CDYL2: variants seen among roughly 807,000 people sequenced by gnomAD.
The protein encoded by CDYL2 is chromodomain Y-like protein 2.
A neutral mutation model predicts 49.4 loss-of-function variants in CDYL2; 23 were observed. That is an observed-to-expected ratio of 0.47 (90% CI 0.34 to 0.66). The LOEUF (loss-of-function observed/expected upper bound fraction) is 0.66, where lower values mean the gene tolerates loss of function less well. Among genes scored for constraint, CDYL2 ranks in the 30% least tolerant of loss-of-function variants. The pLI, the probability that CDYL2 is intolerant of heterozygous loss-of-function variation, is 0.01. For missense variants in CDYL2, 678 were observed against 656.4 expected (o/e 1.03, Z -0.36); for synonymous variants, 360 against 268.8 (o/e 1.34, Z -3.32).
intron 1 of CDYL2, among the ~76,000 whole-genome samples, chr16:80,687,491 T>C (rs938024555): frequency 1.3e-5 from 2 of 151,584 alleles, no homozygotes; most frequent in African/African-American, 4.9e-5. Context: ...GCTGGATAGA[T>C]GGATAGATGG....
chr16:80,679,137 A>C (rs1052356780), intron 2 of CDYL2, among the ~76,000 whole-genome samples: 8 of 148,934 alleles, frequency 5.4e-5, no homozygotes, highest in African/African-American at 1.7e-4. Flanking sequence ...GGGGAGGGAT[A>C]GCATTGGGAG....
intron 1 of CDYL2, among the ~76,000 whole-genome samples, chr16:80,700,605 G>A (rs182852005): frequency 4.6e-5 from 7 of 152,306 alleles, no homozygotes; most frequent in Non-Finnish European, 4.4e-5. Flanking sequence ...AATTAAAACA[G>A]TGAGAAAGAT....
At chr16:80,702,705 G>T (rs529596990) in intron 1 of CDYL2, among the ~76,000 whole-genome samples, 4 of 152,198 alleles carry the variant, frequency 2.6e-5, no homozygotes, top group Non-Finnish European at 5.9e-5. Context: ...GGCTATGATC[G>T]TACCACTGCA....
At chr16:80,656,004 A>T (rs1908793973) in intron 2 of CDYL2, among the ~76,000 whole-genome samples, 1 of 152,136 alleles carries the variant, frequency 6.6e-6, no homozygotes. Flanking sequence ...CCAGCCCTAC[A>T]TTTGCTAATG....
chr16:80,650,882 T>C (rs979031915), intron 2 of CDYL2, among the ~76,000 whole-genome samples: 1 of 147,806 alleles, frequency 6.8e-6, no homozygotes, highest in Non-Finnish European at 1.5e-5. Context: ...AGACAGGCAT[T>C]ACCTGATTTC....
intron 2 of CDYL2, among the ~76,000 whole-genome samples, chr16:80,652,599 T>G (rs1312642811): frequency 6.6e-6 from 1 of 152,162 alleles, no homozygotes; most frequent in Non-Finnish European, 1.5e-5. Flanking sequence ...AAGAGCACAG[T>G]GTGTAGAGGG....
At chr16:80,709,962 C>T (rs1357449687) in intron 1 of CDYL2, among the ~76,000 whole-genome samples, 1 of 148,662 alleles carries the variant, frequency 6.7e-6, no homozygotes, top group Non-Finnish European at 1.5e-5. Flanking sequence ...GAGTTTCACT[C>T]TTTCGCCCAG....
intron 1 of CDYL2, among the ~76,000 whole-genome samples, chr16:80,798,039 GTTT>G (rs969136119): frequency 7.2e-5 from 11 of 151,982 alleles, no homozygotes; most frequent in African/African-American, 2.7e-4. Flanking sequence ...TTGTTTGTTT[GTTT>G]TTTGTTTTTT....
intron 1 of CDYL2, among the ~76,000 whole-genome samples, chr16:80,692,217 G>C (rs1337122395): frequency 6.6e-6 from 1 of 152,148 alleles, no homozygotes; most frequent in African/African-American, 2.4e-5. Context: ...TTTGAGAATA[G>C]ATCAACTTTA....
At chr16:80,673,510 CAATT>C (rs1318999920) in intron 2 of CDYL2, among the ~76,000 whole-genome samples, 2 of 152,186 alleles carry the variant, frequency 1.3e-5, no homozygotes, top group Middle Eastern at 3.4e-3. Context: ...TAAGCTTTGA[CAATT>C]AAGGTAGTTT....
At chr16:80,795,476 C>T (rs1176949818) in intron 1 of CDYL2, among the ~76,000 whole-genome samples, 2 of 152,208 alleles carry the variant, frequency 1.3e-5, no homozygotes, top group Admixed American at 1.3e-4. Flanking sequence ...GGACCTTTCA[C>T]TGGAGTGGTG....
chr16:80,722,310 G>C (rs1199568661), intron 1 of CDYL2, among the ~76,000 whole-genome samples: 1 of 152,160 alleles, frequency 6.6e-6, no homozygotes, highest in Non-Finnish European at 1.5e-5. Flanking sequence ...CAAGACATGT[G>C]AAAGCTCACT....
At chr16:80,676,963 ATTTTTTTT>A (rs35188796) in intron 2 of CDYL2, among the ~76,000 whole-genome samples, 87 of 60,092 alleles carry the variant, frequency 1.4e-3, no homozygotes, top group African/African-American at 3.8e-3. Context: ...AATTCAATGT[ATTTTTTTT>A]TTTTTTTTTT....
At chr16:80,622,399 A>G (rs1236627159) in intron 3 of CDYL2, among the ~76,000 whole-genome samples, 1 of 149,878 alleles carries the variant, frequency 6.7e-6, no homozygotes, top group Non-Finnish European at 1.5e-5. Flanking sequence ...GACCCACCCT[A>G]TTCTCCTCCC....
chr16:80,710,816 G>A (rs1904571067), intron 1 of CDYL2, among the ~76,000 whole-genome samples: 1 of 152,072 alleles, frequency 6.6e-6, no homozygotes, highest in African/African-American at 2.4e-5. Context: ...GAAGTGTTTT[G>A]AATATGCTAA....
chr16:80,718,008 C>G (rs570631807), intron 1 of CDYL2, among the ~76,000 whole-genome samples: 1 of 152,300 alleles, frequency 6.6e-6, no homozygotes, highest in African/African-American at 2.4e-5. Flanking sequence ...ACGCTGGGTG[C>G]TTTCTCAAGC....
At chr16:80,699,462 G>T (rs1904289846) in intron 1 of CDYL2, among the ~76,000 whole-genome samples, 1 of 152,182 alleles carries the variant, frequency 6.6e-6, no homozygotes, top group Admixed American at 6.5e-5. Context: ...AGCTAAAAAA[G>T]TTGATCTCAT....
intron 2 of CDYL2, among the ~76,000 whole-genome samples, chr16:80,666,173 A>G (rs1251214620): frequency 6.6e-6 from 1 of 152,186 alleles, no homozygotes; most frequent in African/African-American, 2.4e-5. Flanking sequence ...CTGCCTGGAG[A>G]TGCTAAGAGG....
At chr16:80,776,553 C>A (rs888077363) in intron 1 of CDYL2, among the ~76,000 whole-genome samples, 11 of 150,666 alleles carry the variant, frequency 7.3e-5, no homozygotes, top group African/African-American at 2.4e-4. Flanking sequence ...CACTTCCATC[C>A]ATCTTTTATT....
Sources: gnomAD v4.1 joint callset for allele counts (sites outside exome capture counted in the v4.1 genomes callset) on GRCh38, gnomAD v4.1.1 for gene constraint, MANE v1.5 for transcripts, NCBI Gene and HGNC (gene_info 2026-07-23, HGNC 2026-07-21) for gene names.